Variants in P3H2 observed in about 807,000 individuals in gnomAD.
The protein encoded by P3H2 is prolyl 3-hydroxylase 2, also known as leprecan-like 1.
P3H2 carries 80 observed loss-of-function variants against 87.0 expected under a neutral mutation model. The observed-to-expected ratio is 0.92, with a 90% confidence interval of 0.77 to 1.11. P3H2 has a LOEUF of 1.11. Among genes scored for constraint, P3H2 ranks in the 50% least tolerant of loss-of-function variants. The pLI is 0.00. For synonymous variants in P3H2, 367 were observed against 359.3 expected (o/e 1.02, Z -0.24); for missense variants, 1,001 against 923.9 (o/e 1.08, Z -1.08).
intron 1 of P3H2, among the ~76,000 whole-genome samples, chr3:190,044,276 C>G: frequency 6.6e-6 from 1 of 152,172 alleles, no homozygotes; most frequent in East Asian, 1.9e-4. Context: ...TCTCACCACT[C>G]TGCATAATCC....
chr3:189,981,810 G>A (rs1723544109), intron 8 of P3H2, among the ~76,000 whole-genome samples: 1 of 152,194 alleles, frequency 6.6e-6, no homozygotes, highest in African/African-American at 2.4e-5. Context: ...AGCCTAAAAG[G>A]CAACATGAAC....
At chr3:189,962,801 T>C (rs983857389) in intron 14 of P3H2, among the ~76,000 whole-genome samples, 1 of 152,240 alleles carries the variant, frequency 6.6e-6, no homozygotes, top group African/African-American at 2.4e-5. Flanking sequence ...GTGAAAAGTA[T>C]ATGAGAAAAA....
At chr3:190,115,017 A>T (rs1229489573) in intron 1 of P3H2, among the ~76,000 whole-genome samples, 1 of 152,206 alleles carries the variant, frequency 6.6e-6, no homozygotes, top group Non-Finnish European at 1.5e-5. Flanking sequence ...AAAACAGAGT[A>T]AGAGTGAGGA....
intron 1 of P3H2, among the ~76,000 whole-genome samples, chr3:190,103,176 G>A (rs1711695349): frequency 6.6e-6 from 1 of 152,090 alleles, no homozygotes; most frequent in African/African-American, 2.4e-5. Flanking sequence ...ATATTTCTGA[G>A]GTATGCTAGT....
chr3:190,009,283 G>A (rs537060408), intron 1 of P3H2, among the ~76,000 whole-genome samples: 9 of 152,186 alleles, frequency 5.9e-5, no homozygotes, highest in Non-Finnish European at 1.3e-4. Context: ...AACTTGTAAA[G>A]CAACTGAGTG....
chr3:190,111,389 T>A (rs942519730), intron 1 of P3H2, among the ~76,000 whole-genome samples: 1 of 152,210 alleles, frequency 6.6e-6, no homozygotes, highest in Non-Finnish European at 1.5e-5. Context: ...TCTCTTACAG[T>A]GCTGTAAAAT....
At chr3:189,966,123 A>AAAGAAAG (rs1722985382) in intron 13 of P3H2, among the ~76,000 whole-genome samples, 1 of 102,192 alleles carries the variant, frequency 9.8e-6, no homozygotes, top group Non-Finnish European at 1.9e-5. Context: ...GAAAGAAAGA[A>AAAGAAAG]AAAGAAAGAA....
chr3:190,023,077 T>C lies in P3H2; in HGVS notation c.481-27635A>G, dbSNP rs149749148. Among the ~76,000 whole-genome samples the C allele has an allele frequency of 4.9e-4, 75 of 152,158 alleles. No individual in the cohort carries two copies. In the East Asian group the frequency reaches 0.012, roughly 24 times the overall value. ...TCCTGACCTCACGATCCGCCCGCCT[T>C]GGCCTCCCAAAGTGCTGGGATTACA... On this transcript the variant is annotated intron_variant, in intron 1 of 14. Transcript: ENST00000319332.
intron 12 of P3H2, among the ~76,000 whole-genome samples, chr3:189,971,303 G>T (rs1180734589): frequency 6.6e-6 from 1 of 152,210 alleles, no homozygotes; most frequent in Admixed American, 6.5e-5. Flanking sequence ...TTGCTGAAGA[G>T]TTCCTTGTGG....
chr3:190,063,452 G>C (rs749201472), intron 1 of P3H2, among the ~76,000 whole-genome samples: 1 of 152,100 alleles, frequency 6.6e-6, no homozygotes, highest in Non-Finnish European at 1.5e-5. Context: ...TCTTTAAATA[G>C]GACAACCACA....
At chr3:190,104,302 G>A (rs149845777) in intron 1 of P3H2, among the ~76,000 whole-genome samples, 13 of 152,014 alleles carry the variant, frequency 8.6e-5, no homozygotes, top group African/African-American at 2.7e-4. Flanking sequence ...CAAAAACCAC[G>A]GCTCAATTCA....
At chr3:189,973,228 C>A in intron 10 of P3H2, 1 of 572,548 alleles carries the variant, frequency 1.7e-6, no homozygotes, top group Non-Finnish European at 3.1e-6. Flanking sequence ...AAGCTAAAAG[C>A]TACTTGGTTC....
intron 8 of P3H2, among the ~76,000 whole-genome samples, chr3:189,976,480 G>A (rs747170869): frequency 9.2e-5 from 14 of 152,076 alleles, no homozygotes; most frequent in South Asian, 2.1e-4. Flanking sequence ...TCACTACCAG[G>A]AGAACAAACC....
intron 12 of P3H2, chr3:189,971,398 A>C (rs773712243): frequency 1.3e-5 from 3 of 233,632 alleles, no homozygotes; most frequent in Non-Finnish European, 2.5e-5. Flanking sequence ...CATGGTGACT[A>C]TAACTCCTGA....
At chr3:190,074,130 TCA>T (rs1726792071) in intron 1 of P3H2, among the ~76,000 whole-genome samples, 2 of 152,230 alleles carry the variant, frequency 1.3e-5, no homozygotes, top group African/African-American at 4.8e-5. Flanking sequence ...TTGTGGTGTT[TCA>T]GTTTCTGGAT....
At chr3:190,113,446 A>G (rs1712150090) in intron 1 of P3H2, among the ~76,000 whole-genome samples, 1 of 149,442 alleles carries the variant, frequency 6.7e-6, no homozygotes, top group South Asian at 2.1e-4. Flanking sequence ...CACTGCCCCA[A>G]AGCAGTTAGT....
chr3:189,971,981 T>C lies in P3H2; in HGVS notation c.1726A>G (p.Ser576Gly), dbSNP rs1437539892. 1 of 1,612,626 alleles carries C rather than the reference T, an allele frequency of 6.2e-7. No homozygotes were observed. The highest frequency in any genetic ancestry group is 1.7e-5 in the Admixed American group (1 of 60,016). The change falls in exon 12 of 15, where the codon AGT becomes GGT. Residue 576 changes from serine to glycine, a missense_variant. Transcript: ENST00000319332. ...CAGTTGTCAGCATGGATGGGATGAC[T>C]GAGGTCATTTCTTCTATCCTGCTGA... ...SGQQDRRNDL[S>G]HPIHADNCLL... is the part of the protein sequence containing the mutation.
intron 1 of P3H2, among the ~76,000 whole-genome samples, chr3:189,997,772 A>G (rs534607134): frequency 6.6e-6 from 1 of 152,270 alleles, no homozygotes; most frequent in African/African-American, 2.4e-5. Flanking sequence ...AAAATCACTA[A>G]TTTTGGATTT....
intron 8 of P3H2, 136 bp from the exon 9 acceptor site, chr3:189,974,821 G>A (rs1723300555): frequency 2.0e-6 from 2 of 1,025,068 alleles, no homozygotes; most frequent in Non-Finnish European, 3.0e-6. Context: ...AAGACAAATT[G>A]CAAATTAGGA....
Sources: allele counts gnomAD v4.1 joint callset (sites outside exome capture counted in the v4.1 genomes callset), GRCh38; gene constraint gnomAD v4.1.1; transcripts MANE v1.5; gene names NCBI Gene and HGNC (gene_info 2026-07-23, HGNC 2026-07-21).